Variants in PRDM6 observed in about 807,000 individuals in gnomAD.
PRDM6 encodes putative histone-lysine N-methyltransferase PRDM6.
A neutral mutation model predicts 60.8 loss-of-function variants in PRDM6; 25 were observed. That is an observed-to-expected ratio of 0.41 (90% CI 0.30 to 0.57). PRDM6 has a LOEUF of 0.57. Ranked by LOEUF, PRDM6 falls within the 20% of genes least tolerant of loss-of-function variation. The pLI is 0.27. For missense variants in PRDM6, 839 were observed against 821.3 expected (o/e 1.02, Z -0.26); for synonymous variants, 407 against 357.4 (o/e 1.14, Z -1.57).
chr5:123,171,247 C>A (rs1344204602), intron 6 of PRDM6, 139 bp downstream of exon 6: 14 of 707,868 alleles, frequency 2.0e-5, no homozygotes, highest in East Asian at 1.4e-4. Flanking sequence ...GAGAGAAATG[C>A]AAGACCACTG....
intron 3 of PRDM6, among the ~76,000 whole-genome samples, chr5:123,122,308 G>C (rs746150244): frequency 6.6e-6 from 1 of 152,046 alleles, no homozygotes; most frequent in South Asian, 2.1e-4. Flanking sequence ...GAGAACCTCA[G>C]TACAAAGGAG....
chr5:123,137,747 C>A (rs187598944), intron 3 of PRDM6, among the ~76,000 whole-genome samples: 2 of 151,786 alleles, frequency 1.3e-5, no homozygotes, highest in Non-Finnish European at 2.9e-5. Context: ...ATGTAACAGA[C>A]CTGCACGTTC....
At chr5:123,105,207 T>C (rs79900222) in intron 3 of PRDM6, among the ~76,000 whole-genome samples, 5,588 of 152,320 alleles carry the variant, frequency 0.037, 135 homozygotes, top group Non-Finnish European at 0.053. Context: ...CACAAATATT[T>C]ACTGGTCCAT....
At position 123,187,082 on chromosome 5, in the gene PRDM6, A is replaced by G. The variant is rs1766304714; in HGVS notation, c.1674-5A>G. 1.3e-6 allele frequency: 2 copies of G among 1,550,206 alleles called. No individual in the cohort carries two copies. The highest frequency in any genetic ancestry group is 1.7e-6 in the Non-Finnish European group (2 of 1,145,898). On this transcript the variant is annotated splice_polypyrimidine_tract_variant and splice_region_variant and intron_variant, in intron 7 of 7. Transcript: ENST00000407847. ...GGTCTCAATTTTCTCTCTTGCCTCC[A>G]CCAGGTGCGAGAGGTGTGAGAGGAG...
intron 3 of PRDM6, among the ~76,000 whole-genome samples, chr5:123,119,534 C>T (rs1021799028): frequency 1.3e-5 from 2 of 152,162 alleles, no homozygotes; most frequent in Non-Finnish European, 2.9e-5. Flanking sequence ...AAACTTCTGC[C>T]GGTGATGCCT....
At position 123,164,793 on chromosome 5, in the gene PRDM6, T is replaced by C. The variant is rs1372685154; in HGVS notation, c.1153+5155T>C. ...GATGGAGGTGCTCATTCCGACTGTT[T>C]GTGGGAGTGTAGGGGGCTGACATCT... On this transcript the variant is annotated intron_variant, in intron 5 of 7. Coordinates refer to ENST00000407847, the MANE Select transcript of PRDM6 (RefSeq NM_001136239.4). Among the ~76,000 whole-genome samples, 5 of 152,194 alleles carry C rather than the reference T, an allele frequency of 3.3e-5. No individual in the cohort carries two copies. In the East Asian group the frequency reaches 9.6e-4, roughly 29 times the overall value.
intron 5 of PRDM6, among the ~76,000 whole-genome samples, chr5:123,169,997 C>T (rs1303604430): frequency 6.6e-6 from 1 of 152,158 alleles, no homozygotes; most frequent in African/African-American, 2.4e-5. Context: ...CTCTCTCAAG[C>T]CCTTCCTGAA....
In PRDM6 at chr5:123,190,258, G is replaced by A. The variant is rs949446595; in HGVS notation, c.*3057G>A. On this transcript the variant is annotated 3_prime_UTR_variant, in exon 8 of 8. Transcript: ENST00000407847. ...TCCTTTATTTAGCAGAGTCTAAGAC[G>A]AAAGGTAATGCCAGGGAAAAGTCAG... 3.9e-5 allele frequency: 6 copies of A among 152,214 alleles called. No individual in the cohort carries two copies. The highest frequency in any genetic ancestry group is 3.4e-3 in the Middle Eastern group (1 of 294). 9.4% of individuals were successfully genotyped at this position (152,214 alleles called of 1,614,324 possible).
intron 5 of PRDM6, among the ~76,000 whole-genome samples, chr5:123,164,340 G>C (rs1044368440): frequency 6.6e-6 from 1 of 152,140 alleles, no homozygotes; most frequent in Non-Finnish European, 1.5e-5. Flanking sequence ...GGAACCAAAA[G>C]ATACTTTCCT....
chr5:123,162,060 G>A (rs1383697143), intron 5 of PRDM6, among the ~76,000 whole-genome samples: 1 of 152,238 alleles, frequency 6.6e-6, no homozygotes, highest in East Asian at 1.9e-4. Flanking sequence ...AGAAAGAGGA[G>A]TCAGGGATGA....
At chr5:123,136,376 A>G (rs901449583) in intron 3 of PRDM6, among the ~76,000 whole-genome samples, 7 of 152,136 alleles carry the variant, frequency 4.6e-5, no homozygotes, top group African/African-American at 1.7e-4. Flanking sequence ...CTGCTGTGAG[A>G]TATGGGACGT....
chr5:123,169,962 C>T (rs1765848042), intron 5 of PRDM6, among the ~76,000 whole-genome samples: 1 of 152,214 alleles, frequency 6.6e-6, no homozygotes, highest in Non-Finnish European at 1.5e-5. Context: ...TCCTTATCCA[C>T]TTGCATCCCA....
chr5:123,095,629 G>C (rs1031201666), intron 2 of PRDM6, among the ~76,000 whole-genome samples: 1 of 152,244 alleles, frequency 6.6e-6, no homozygotes, highest in African/African-American at 2.4e-5. Context: ...CGCGACCTTG[G>C]CGGCGGTAGG....
chr5:123,130,973 C>T (rs1252354920), intron 3 of PRDM6, among the ~76,000 whole-genome samples: 1 of 152,218 alleles, frequency 6.6e-6, no homozygotes, highest in South Asian at 2.1e-4. Flanking sequence ...TAAACAGTTA[C>T]TAGTTCTCTC....
chr5:123,133,401 T>C (rs975383635), intron 3 of PRDM6, among the ~76,000 whole-genome samples: 5 of 151,914 alleles, frequency 3.3e-5, no homozygotes, highest in Admixed American at 2.0e-4. Context: ...GCTTCCATCA[T>C]AGGAAGGAAG....
At chr5:123,119,603 C>T (rs1346254547) in intron 3 of PRDM6, among the ~76,000 whole-genome samples, 1 of 152,194 alleles carries the variant, frequency 6.6e-6, no homozygotes, top group Non-Finnish European at 1.5e-5. Context: ...GAGATTAGAG[C>T]CCAGGGTCGG....
intron 5 of PRDM6, among the ~76,000 whole-genome samples, chr5:123,168,659 A>T (rs894145133): frequency 2.6e-5 from 4 of 152,244 alleles, no homozygotes; most frequent in East Asian, 3.8e-4. Flanking sequence ...TGTGAGTCTA[A>T]TGTGCAGTAC....
chr5:123,096,343 T>C (rs531186543), intron 2 of PRDM6, among the ~76,000 whole-genome samples: 17 of 152,234 alleles, frequency 1.1e-4, no homozygotes, highest in East Asian at 5.8e-4. Context: ...TATAGCCTGC[T>C]TCTCTTTCAA....
In PRDM6 at chr5:123,099,780, G is replaced by C. The variant is rs1230249595; in HGVS notation, c.719G>C (p.Trp240Ser). Residue 240 changes from tryptophan (W) to serine (S), a missense_variant, in exon 3 of 8, where the codon TGG (tryptophan) becomes TCG (serine). By Grantham distance (177) the Trp-to-Ser change is radical. Transcript: ENST00000407847. This position sits in a 1 kb window ranked among gnomAD's most constrained non-coding sequence, Gnocchi z 4.0. ...GCGCCCCCGCCGGAGCTGCCGGAGTGGCTGCGGGACCTGCCTCGCGAGGTG... is the reference window on the plus strand; with the variant it reads ...GCGCCCCCGCCGGAGCTGCCGGAGTCGCTGCGGGACCTGCCTCGCGAGGTG... Reference protein sequence around the residue: ...AAAPPPELPEWLRDLPREVCL... With the variant: ...AAAPPPELPESLRDLPREVCL... 5.8e-6 allele frequency: 9 copies of C among 1,548,082 alleles called. No individual in the cohort carries two copies. The African/African-American group carries it at 1.1e-4, about 19-fold the overall frequency.
Sources: gnomAD v4.1 joint callset for allele counts (sites outside exome capture counted in the v4.1 genomes callset) on GRCh38, gnomAD v4.1.1 for gene constraint, Gnocchi (gnomAD v3.1) non-coding constraint, MANE v1.5 for transcripts, NCBI Gene and HGNC (gene_info 2026-07-23, HGNC 2026-07-21) for gene names.